Variants in LEPR observed in about 807,000 individuals in gnomAD.
The protein encoded by LEPR is leptin receptor.
Under a neutral mutation model 114.7 loss-of-function variants are expected in LEPR, and 56 were observed. The observed-to-expected ratio is 0.49, with a 90% CI of 0.39 to 0.61. LEPR has a LOEUF of 0.61. LEPR is among the 20% of genes least tolerant of loss of function. The pLI, the probability that LEPR is intolerant of heterozygous loss-of-function variation, is 0.00. For missense variants in LEPR, 1,202 were observed against 1,352.9 expected (o/e 0.89, Z 1.75); for synonymous variants, 443 against 461.4 (o/e 0.96, Z 0.51).
At chr1:65,618,351 G>A (rs1657661654) in intron 16 of LEPR, among the ~76,000 whole-genome samples, 3 of 150,646 alleles carry the variant, frequency 2.0e-5, no homozygotes, top group Non-Finnish European at 1.5e-5. Flanking sequence ...TTTTCGGCAG[G>A]GTCTCTCTGT....
At chr1:65,547,038 G>T (rs542847354) in intron 2 of LEPR, among the ~76,000 whole-genome samples, 44 of 152,158 alleles carry the variant, frequency 2.9e-4, no homozygotes, top group African/African-American at 9.4e-4. Flanking sequence ...TTTTGTCAAA[G>T]GCCTTTTCTG....
intron 2 of LEPR, among the ~76,000 whole-genome samples, chr1:65,484,291 CTTAT>C (rs1279740251): frequency 6.6e-6 from 1 of 152,030 alleles, no homozygotes; most frequent in Non-Finnish European, 1.5e-5. Context: ...CTTATAAGCT[CTTAT>C]TTAATAGAAT....
At chr1:65,570,293 A>G (rs1026763973) in intron 3 of LEPR, among the ~76,000 whole-genome samples, 180 bp from the exon 4 acceptor site, 3 of 152,248 alleles carry the variant, frequency 2.0e-5, no homozygotes, top group African/African-American at 7.2e-5. Flanking sequence ...AAATGAATGC[A>G]TCCTCTTGAA....
intron 2 of LEPR, among the ~76,000 whole-genome samples, chr1:65,514,114 A>G (rs1333655857): frequency 2.0e-5 from 3 of 152,264 alleles, no homozygotes; most frequent in Non-Finnish European, 4.4e-5. Flanking sequence ...GTATGAGATT[A>G]TAAACAAACA....
At chr1:65,528,272 A>G (rs1345277146) in intron 2 of LEPR, among the ~76,000 whole-genome samples, 2 of 152,142 alleles carry the variant, frequency 1.3e-5, no homozygotes, top group Non-Finnish European at 2.9e-5. Context: ...ATGAAGAAAA[A>G]GGCTTATAGT....
At chr1:65,557,637 C>G (rs1652915789) in intron 2 of LEPR, among the ~76,000 whole-genome samples, 1 of 152,198 alleles carries the variant, frequency 6.6e-6, no homozygotes, top group Non-Finnish European at 1.5e-5. Flanking sequence ...CCAGGCTGGT[C>G]TTGAACTCCC....
intron 2 of LEPR, among the ~76,000 whole-genome samples, chr1:65,441,607 C>T (rs1370490693): frequency 6.6e-6 from 1 of 151,932 alleles, no homozygotes; most frequent in Non-Finnish European, 1.5e-5. Context: ...TGGCCCACGA[C>T]AGGGAAGGGA....
At chr1:65,495,489 G>C (rs1648107498) in intron 2 of LEPR, among the ~76,000 whole-genome samples, 1 of 152,094 alleles carries the variant, frequency 6.6e-6, no homozygotes, top group African/African-American at 2.4e-5. Flanking sequence ...AAACAGTAGG[G>C]AGGTGTCCTA....
At chr1:65,451,997 C>T (rs1646792366) in intron 2 of LEPR, among the ~76,000 whole-genome samples, 1 of 150,926 alleles carries the variant, frequency 6.6e-6, no homozygotes, top group African/African-American at 2.4e-5. Flanking sequence ...CCTTCACATC[C>T]CTTGTAAGTT....
At position 65,538,747 on chromosome 1, in the gene LEPR, T is replaced by A. The variant is rs574061949; in HGVS notation, c.-20-26799T>A. 2.6e-5 allele frequency among the ~76,000 whole-genome samples: 4 copies of A among 152,190 alleles called. No homozygotes were observed. In the East Asian group the frequency reaches 5.8e-4, roughly 22 times the overall value. ...GGAATCTTTTCTTATATTCTTTTTT[T>A]CTTTGTTGTTTGGTAATTTCTTAAT... On this transcript the variant is annotated intron_variant, in intron 2 of 19. Transcript: ENST00000349533.
Position 65,494,504 on chromosome 1 carries a change from G to A in LEPR, c.-21+69126G>A, listed in dbSNP as rs893925911. ...GCTGTTCTCTCTCCTCCACTAGCAT[G>A]TACCCCAAAGCATCAATTTTTCTTT... On this transcript the variant is annotated intron_variant, in intron 2 of 19. Transcript: ENST00000349533. Among the ~76,000 whole-genome samples the A allele has an allele frequency of 3.9e-5, 6 of 152,018 alleles. No homozygotes were observed. The East Asian group carries it at 1.2e-3, about 29-fold the overall frequency.
chr1:65,445,268 T>A (rs138213678), intron 2 of LEPR, among the ~76,000 whole-genome samples: 1 of 152,328 alleles, frequency 6.6e-6, no homozygotes, highest in East Asian at 1.9e-4. Flanking sequence ...CTCCTGGCTG[T>A]GTTCAATGTA....
chr1:65,447,529 C>T (rs61779773), intron 2 of LEPR, among the ~76,000 whole-genome samples: 10,960 of 61,894 alleles, frequency 0.18, 619 homozygotes, highest in South Asian at 0.24. Flanking sequence ...TGTGATTTTT[C>T]TTTTCTTTTT....
chr1:65,598,597 T>C, intron 7 of LEPR, 63 bp from the exon 8 acceptor site: 1 of 1,603,240 alleles, frequency 6.2e-7, no homozygotes, highest in Non-Finnish European at 8.5e-7. Flanking sequence ...TAGCTTATCC[T>C]CACTTTTAGT....
intron 2 of LEPR, among the ~76,000 whole-genome samples, chr1:65,554,681 A>C (rs1326628058): frequency 1.3e-5 from 2 of 150,810 alleles, no homozygotes; most frequent in South Asian, 4.2e-4. Flanking sequence ...AGACCATTTG[A>C]CTCCCTGGCT....
intron 2 of LEPR, among the ~76,000 whole-genome samples, chr1:65,564,675 G>C (rs1399558639): frequency 6.6e-6 from 1 of 152,138 alleles, no homozygotes; most frequent in Non-Finnish European, 1.5e-5. Context: ...TCTGAAAGGG[G>C]TTGTAGAGAC....
intron 2 of LEPR, chr1:65,526,386 G>A: frequency 1.0e-6 from 1 of 985,410 alleles, no homozygotes; most frequent in African/African-American, 1.7e-5. Context: ...TACTGAAAGA[G>A]ATTTGTAGTG....
In LEPR at chr1:65,571,358, A is replaced by G. The variant is rs1268795340; in HGVS notation, c.370+556A>G. 9.2e-5 allele frequency among the ~76,000 whole-genome samples: 14 copies of G among 152,194 alleles called. 1 individual carries two copies. Among genetic ancestry groups the G allele is most frequent in the Admixed American group, 9.2e-4 (14 of 15,272 alleles). ...CTAAAAATAAAAGTTGGAAAAACAA[A>G]AAAAGAAAAGAAAAAAATTCTTTTT... On this transcript the variant is annotated intron_variant, in intron 4 of 19. Transcript: ENST00000349533.
chr1:65,503,453 G>A (rs187842001), intron 2 of LEPR, among the ~76,000 whole-genome samples: 30 of 152,144 alleles, frequency 2.0e-4, no homozygotes, highest in African/African-American at 6.8e-4. Flanking sequence ...TTAGAAATGA[G>A]CAGAGATTGT....
Sources: allele counts gnomAD v4.1 joint callset (sites outside exome capture counted in the v4.1 genomes callset), GRCh38; gene constraint gnomAD v4.1.1; transcripts MANE v1.5; gene names NCBI Gene and HGNC (gene_info 2026-07-23, HGNC 2026-07-21).